SPECC1: variants seen among roughly 807,000 people sequenced by gnomAD.
SPECC1 encodes cytospin-B.
A neutral mutation model predicts 104.1 loss-of-function variants in SPECC1; 62 were observed. The observed-to-expected ratio is 0.60, with a 90% CI of 0.49 to 0.74. The LOEUF is 0.74. SPECC1 is among the 30% of genes least tolerant of loss of function. The pLI is 0.00. For synonymous variants in SPECC1, 513 were observed against 501.6 expected (o/e 1.02, Z -0.30); for missense variants, 1,306 against 1,310.5 (o/e 1.00, Z 0.05).
chr17:20,280,916 A>G (rs576269123), intron 12 of SPECC1, among the ~76,000 whole-genome samples: 2 of 152,342 alleles, frequency 1.3e-5, no homozygotes, highest in South Asian at 2.1e-4. Context: ...TAATCTAGCC[A>G]CTTCATTTGA....
At chr17:20,127,022 G>T (rs2049345387) in intron 3 of SPECC1, among the ~76,000 whole-genome samples, 1 of 152,134 alleles carries the variant, frequency 6.6e-6, no homozygotes, top group East Asian at 1.9e-4. Context: ...TGATTCTTGT[G>T]ATCACTTTCA....
At chr17:20,274,199 GAACT>G (rs2040500613) in intron 12 of SPECC1, among the ~76,000 whole-genome samples, 1 of 152,166 alleles carries the variant, frequency 6.6e-6, no homozygotes, top group African/African-American at 2.4e-5. Context: ...CATCTCTCTT[GAACT>G]AACTGATAGG....
At chr17:20,219,768 A>C (rs574679983) in intron 4 of SPECC1, among the ~76,000 whole-genome samples, 37 of 152,100 alleles carry the variant, frequency 2.4e-4, no homozygotes, top group African/African-American at 8.9e-4. Context: ...AATGTCCTGG[A>C]GAGTTTCCCC....
rs774378620 is a variant in SPECC1, at chr17:20,081,454, C to T, written c.-21-15177C>T. Among the ~76,000 whole-genome samples the T allele has an allele frequency of 2.0e-5, 3 of 151,838 alleles. 1 individual carries two copies. Among genetic ancestry groups the T allele is most frequent in the Non-Finnish European group, 4.4e-5 (3 of 67,968 alleles). On this transcript the variant is annotated intron_variant, in intron 1 of 14. Transcript: ENST00000395527. ...GAAGGGGAGAGGAGGGCCTGGGGAG[C>T]GGGGATGTGGGGTGTGCGTGTGAAC...
At chr17:20,082,021 CCCTCAAAG>C (rs2046994889) in intron 1 of SPECC1, among the ~76,000 whole-genome samples, 1 of 152,202 alleles carries the variant, frequency 6.6e-6, no homozygotes, top group Non-Finnish European at 1.5e-5. Context: ...GGAAAAGGCA[CCCTCAAAG>C]CCTCAGCTCT....
At chr17:20,188,659 C>A (rs2035446002) in intron 3 of SPECC1, among the ~76,000 whole-genome samples, 2 of 152,096 alleles carry the variant, frequency 1.3e-5, no homozygotes, top group Admixed American at 6.5e-5. Flanking sequence ...TGTAAAATAA[C>A]AATAATAATA....
chr17:20,088,369 A>G (rs552300727), intron 1 of SPECC1, among the ~76,000 whole-genome samples: 1 of 152,256 alleles, frequency 6.6e-6, no homozygotes, highest in East Asian at 1.9e-4. Flanking sequence ...ATTAAGTGGT[A>G]GGCAAGAAGG....
chr17:20,070,907 A>G (rs1666931801), intron 1 of SPECC1, among the ~76,000 whole-genome samples: 1 of 152,034 alleles, frequency 6.6e-6, no homozygotes, highest in Non-Finnish European at 1.5e-5. Context: ...CTATAGGCTC[A>G]GAGAGGCCTC....
rs180722780 is a variant in SPECC1, at chr17:20,103,742, C to T, written c.148-6685C>T. Among the ~76,000 whole-genome samples, 1,060 of 152,270 alleles carry T rather than the reference C, an allele frequency of 7.0e-3. 4 individuals carry two copies. The highest frequency in any genetic ancestry group is 0.011 in the Non-Finnish European group (745 of 68,014). On this transcript the variant is annotated intron_variant, in intron 2 of 14. Transcript: ENST00000395527. ...GTGCCCCCCTCTCTCCCCAGGACGT[C>T]CGCATCCCCCGTCCACTTCCTCCTG...
intron 1 of SPECC1, among the ~76,000 whole-genome samples, chr17:20,040,209 G>A (rs187294280): frequency 1.3e-3 from 201 of 152,056 alleles, no homozygotes; most frequent in African/African-American, 4.7e-3. Context: ...TTACGTGTGT[G>A]TGTGTATGTA....
At chr17:20,172,283 C>T (rs2034148734) in intron 3 of SPECC1, among the ~76,000 whole-genome samples, 1 of 152,314 alleles carries the variant, frequency 6.6e-6, no homozygotes, top group Admixed American at 6.5e-5. Context: ...AGCTGATCCT[C>T]CATGGGTTGA....
chr17:20,239,249 T>G, intron 7 of SPECC1: 1 of 1,014,156 alleles, frequency 9.9e-7, no homozygotes, highest in Non-Finnish European at 1.2e-6. Context: ...TTATGAAGTA[T>G]TATTTAGGTA....
chr17:20,098,936 T>C (rs149061483), intron 2 of SPECC1, among the ~76,000 whole-genome samples: 15 of 152,302 alleles, frequency 9.8e-5, no homozygotes, highest in Non-Finnish European at 1.9e-4. Context: ...ACTCAGTATT[T>C]ATTGAATGAT....
chr17:20,144,077 C>A (rs1208827555), intron 3 of SPECC1, among the ~76,000 whole-genome samples: 1 of 152,080 alleles, frequency 6.6e-6, no homozygotes, highest in African/African-American at 2.4e-5. Context: ...GTGACACACT[C>A]CTGGGACTCC....
At position 20,315,424 on chromosome 17, in the gene SPECC1, T is replaced by C. The variant is rs2142276942; in HGVS notation, c.*1359T>C. ...GTGCCCATCTGGTGGCTCTGCCGTG[T>C]TCTTCTGGGCGGATCTGTGTGCACT... On this transcript the variant is annotated 3_prime_UTR_variant, in exon 15 of 15. Coordinates refer to ENST00000395527, the MANE Select transcript of SPECC1 (RefSeq NM_001243439.2). 1 of 232,794 alleles carries C rather than the reference T, an allele frequency of 4.3e-6. No homozygotes were observed. Among genetic ancestry groups the C allele is most frequent in the Non-Finnish European group, 8.5e-6 (1 of 117,776 alleles). 14.4% of individuals were successfully genotyped at this position (232,794 alleles called of 1,614,324 possible). A position where few individuals can be genotyped will look rare whatever the true frequency, so the allele number is the denominator to read the frequency against.
rs575578341 is a variant in SPECC1, at chr17:20,313,821, C to T, written c.3118-155C>T. Among the ~76,000 whole-genome samples the T allele has an allele frequency of 1.4e-4, 22 of 152,294 alleles. No individual in the cohort carries two copies. The South Asian group carries it at 4.4e-3, about 30-fold the overall frequency. On this transcript the variant is annotated intron_variant, in intron 14 of 14. Transcript: ENST00000395527. ...TGGGAGGAAAAGTCCTTTAACTCAT[C>T]GCTTTCAGCACCACCTGTGCTGGCC...
At chr17:20,185,629 T>G (rs1273649111) in intron 3 of SPECC1, among the ~76,000 whole-genome samples, 1 of 152,164 alleles carries the variant, frequency 6.6e-6, no homozygotes, top group Non-Finnish European at 1.5e-5. Flanking sequence ...ATGGGGAAAT[T>G]TGCTCTGAAA....
chr17:20,267,003 A>G (rs571602606), intron 12 of SPECC1, among the ~76,000 whole-genome samples: 30 of 152,282 alleles, frequency 2.0e-4, no homozygotes, highest in African/African-American at 7.2e-4. Flanking sequence ...TGAGCATCGC[A>G]GCCAGACCCA....
chr17:20,119,246 T>C (rs189166490), intron 3 of SPECC1, among the ~76,000 whole-genome samples: 3 of 152,238 alleles, frequency 2.0e-5, no homozygotes, highest in African/African-American at 7.2e-5. Flanking sequence ...TTTTTTTAAA[T>C]TTATTTTATT....
Sources: gnomAD v4.1 joint callset for allele counts (sites outside exome capture counted in the v4.1 genomes callset) on GRCh38, gnomAD v4.1.1 for gene constraint, MANE v1.5 for transcripts, NCBI Gene and HGNC (gene_info 2026-07-23, HGNC 2026-07-21) for gene names.